The following NRXN2 variants were observed in gnomAD, a reference collection of about 807,000 sequenced individuals.
The protein encoded by NRXN2 is neurexin 2.
A neutral mutation model predicts 128.8 loss-of-function variants in NRXN2; 29 were observed. The ratio of observed to expected loss-of-function variants is 0.23; its 90% confidence interval spans 0.17 to 0.31. The LOEUF (loss-of-function observed/expected upper bound fraction) is 0.31, where lower values mean the gene tolerates loss of function less well. NRXN2 is among the 10% of genes least tolerant of loss of function. The pLI, the probability that NRXN2 is intolerant of heterozygous loss-of-function variation, is 1.00. For missense variants in NRXN2, 1,881 were observed against 2,452.6 expected, an observed-to-expected ratio of 0.77 and a Z score of 4.92; for synonymous variants, 1,098 against 1,075.2, an observed-to-expected ratio of 1.02 and a Z score of -0.41.
intron 7 of NRXN2, chr11:64,675,658 C>A (rs2051210684): frequency 6.6e-6 from 1 of 152,534 alleles, no homozygotes; most frequent in Non-Finnish European, 1.5e-5. Flanking sequence ...AGGGCCTGCG[C>A]ACACACACTC....
chr11:64,625,047 C>A (rs1280905209), intron 20 of NRXN2, among the ~76,000 whole-genome samples: 1 of 152,216 alleles, frequency 6.6e-6, no homozygotes, highest in Non-Finnish European at 1.5e-5. Flanking sequence ...AAGTGAGTTC[C>A]TTCTTTCACA....
At chr11:64,702,364 G>A (rs1206082784) in intron 2 of NRXN2, among the ~76,000 whole-genome samples, 2 of 152,132 alleles carry the variant, frequency 1.3e-5, no homozygotes, top group Non-Finnish European at 2.9e-5. Flanking sequence ...AGAAAGGGGG[G>A]AAAGGTGGGG....
At chr11:64,699,425 CTTT>C (rs67776872) in intron 2 of NRXN2, among the ~76,000 whole-genome samples, 7 of 92,130 alleles carry the variant, frequency 7.6e-5, no homozygotes, top group South Asian at 3.9e-4. Context: ...TAATAGTTTT[CTTT>C]TTTTTTTTTT....
intron 12 of NRXN2, 45 bp downstream of exon 12, chr11:64,653,651 C>T (rs371940699): frequency 6.4e-7 from 1 of 1,567,860 alleles, no homozygotes; most frequent in Non-Finnish European, 8.7e-7. Context: ...CGTCCAGCAT[C>T]CCAGTCCCCT....
chr11:64,669,811 G>A (rs1197981626), intron 7 of NRXN2, among the ~76,000 whole-genome samples: 1 of 152,230 alleles, frequency 6.6e-6, no homozygotes, highest in Non-Finnish European at 1.5e-5. Flanking sequence ...AGCTGGGAAA[G>A]AAGGCAGAGC....
At chr11:64,634,862 G>A (rs1221142672) in intron 18 of NRXN2, among the ~76,000 whole-genome samples, 1 of 152,174 alleles carries the variant, frequency 6.6e-6, no homozygotes, top group Non-Finnish European at 1.5e-5. Context: ...ATAGGTGCAG[G>A]ACACAGTAGG....
rs1225716758 is a variant in NRXN2, at chr11:64,651,097, C to G, written c.2918+158G>C. On this transcript the variant is annotated intron_variant, in intron 14 of 22. Transcript: ENST00000265459. This position sits in a 1 kb window ranked among gnomAD's most constrained non-coding sequence, Gnocchi z 5.9. ...AAGAGGGTGTGCTTCTCCATCTTGGCTGAAGAGGGAGCCTCTCGACTTACG... is the reference window on the plus strand; with the variant it reads ...AAGAGGGTGTGCTTCTCCATCTTGGGTGAAGAGGGAGCCTCTCGACTTACG... Among the ~76,000 whole-genome samples the G allele has an allele frequency of 6.6e-6, 1 of 152,170 alleles. No homozygotes were observed. The highest frequency in any genetic ancestry group is 1.5e-5 in the Non-Finnish European group (1 of 68,034).
intron 2 of NRXN2, among the ~76,000 whole-genome samples, chr11:64,701,882 C>T (rs1363667596): frequency 7.5e-5 from 10 of 132,922 alleles, no homozygotes; most frequent in Admixed American, 1.4e-4. Context: ...CCCGGCCAGC[C>T]GCTCTGTCCG....
intron 20 of NRXN2, among the ~76,000 whole-genome samples, chr11:64,624,334 G>C (rs949199256): frequency 6.6e-6 from 1 of 152,200 alleles, no homozygotes; most frequent in Non-Finnish European, 1.5e-5. Flanking sequence ...TCTAGCCAAT[G>C]ATGGCCACTG....
Position 64,712,961 on chromosome 11 carries a change from G to C in NRXN2, c.730+9C>G. On this transcript the variant is annotated intron_variant, in intron 2 of 22. Transcript: ENST00000265459. ...CCCAGGCACCGGGCGGCCGCTCCCC[G>C]GGGCTCACCTTCGCTGCAGAACTTG... The C allele has an allele frequency of 6.6e-7, 1 of 1,504,170 alleles. No individual in the cohort carries two copies. Among genetic ancestry groups the C allele is most frequent in the Non-Finnish European group, 8.8e-7 (1 of 1,131,692 alleles). The allele number at this position is 1,504,170 out of a possible 1,614,324, so 93.2% of individuals were successfully genotyped here.
rs2052395453 is a variant in NRXN2 at position 64,682,161 on chromosome 11, G to A, written c.1152+3485C>T. ...TTCCATCTTTGGGTATTCCATCCTT[G>A]GGGACTCCATCCTTGGCAGATTCCA... On this transcript the variant is annotated intron_variant, in intron 6 of 22. Coordinates refer to ENST00000265459, the MANE Select transcript of NRXN2 (RefSeq NM_015080.4). Among the ~76,000 whole-genome samples, 6 of 150,314 alleles carry A rather than the reference G, an allele frequency of 4.0e-5. 1 individual carries two copies. The South Asian group carries it at 1.3e-3, about 32-fold the overall frequency.
At chr11:64,645,988 C>T (rs1261123829) in intron 17 of NRXN2, among the ~76,000 whole-genome samples, 1 of 152,176 alleles carries the variant, frequency 6.6e-6, no homozygotes, top group East Asian at 1.9e-4. Context: ...CCCAAGAAGA[C>T]GTGCCATAGA....
rs1323337504 is a variant in NRXN2, at chr11:64,660,131, A to G, written c.2389+201T>C. 6.6e-6 allele frequency among the ~76,000 whole-genome samples: 1 copy of G among 152,204 alleles called. No homozygotes were observed. The highest frequency in any genetic ancestry group is 2.4e-5 in the African/African-American group (1 of 41,456). Reference sequence around the variant, plus strand: ...CTTGCCCCTCACAGTGTCGTCGAGCATGGAATGTCGCCCTACACTGTGCGT... The same window carrying G: ...CTTGCCCCTCACAGTGTCGTCGAGCGTGGAATGTCGCCCTACACTGTGCGT... On this transcript the variant is annotated intron_variant, in intron 11 of 22. Coordinates refer to ENST00000265459, the MANE Select transcript of NRXN2 (RefSeq NM_015080.4). The surrounding 1 kb of genome is among the most constrained non-coding windows in gnomAD (Gnocchi z 5.2).
Position 64,713,028 on chromosome 11 carries a change from G to A in NRXN2, c.672C>T (p.Pro224=), listed in dbSNP as rs887260521. 7.5e-6 allele frequency: 11 copies of A among 1,474,710 alleles called. No homozygotes were observed. Among genetic ancestry groups the A allele is most frequent in the Non-Finnish European group, 9.9e-6 (11 of 1,116,282 alleles). The allele number at this position is 1,474,710 out of a possible 1,614,324, so 91.4% of individuals were successfully genotyped here. ...ANGGLCTVLA[P]GEVGCDCSHT... is the part of the protein sequence containing the mutation. ...GGCTGCAGTCGCAGCCCACCTCGCC[G>A]GGGGCCAGCACGGTGCAGAGGCCGC... The change falls in exon 2 of 23, where the codon CCC becomes CCT. Residue 224 remains proline, a synonymous_variant. Transcript: ENST00000265459.
intron 17 of NRXN2, chr11:64,643,224 G>A (rs2046033680): frequency 6.1e-6 from 6 of 982,980 alleles, no homozygotes; most frequent in African/African-American, 1.8e-5. Flanking sequence ...GAGCGGGGCG[G>A]TGCGGGCTGG....
chr11:64,701,376 CATA>C (rs1365561709), intron 2 of NRXN2, among the ~76,000 whole-genome samples: 1 of 152,202 alleles, frequency 6.6e-6, no homozygotes, highest in Non-Finnish European at 1.5e-5. Context: ...TGTTTCTGCA[CATA>C]ATATTTCTTG....
chr11:64,700,378 C>T (rs1046857517), intron 2 of NRXN2, among the ~76,000 whole-genome samples: 1 of 152,190 alleles, frequency 6.6e-6, no homozygotes, highest in Non-Finnish European at 1.5e-5. Flanking sequence ...AGCAAAGCCC[C>T]TGCTTTCAAC....
chr11:64,647,484 C>G (rs1004285374), intron 17 of NRXN2, among the ~76,000 whole-genome samples: 2 of 152,162 alleles, frequency 1.3e-5, no homozygotes, highest in Non-Finnish European at 2.9e-5. Context: ...AGGCCACCAA[C>G]CACTAGGGAC....
At chr11:64,705,286 TCAGCTCAGGGCTCAGATCC>T (rs1433624973) in intron 2 of NRXN2, among the ~76,000 whole-genome samples, 1 of 152,094 alleles carries the variant, frequency 6.6e-6, no homozygotes, top group Non-Finnish European at 1.5e-5. Flanking sequence ...GGCTCTTGAG[TCAGCTCAGGGCTCAGATCC>T]CAGCTCTTAC....
Sources: gnomAD v4.1 joint callset for allele counts (sites outside exome capture counted in the v4.1 genomes callset) on GRCh38, gnomAD v4.1.1 for gene constraint, Gnocchi (gnomAD v3.1) non-coding constraint, MANE v1.5 for transcripts, NCBI Gene and HGNC (gene_info 2026-07-23, HGNC 2026-07-21) for gene names.